The following RAB4A variants were observed in gnomAD, a reference collection of about 807,000 sequenced individuals.
RAB4A encodes RAB4A, member RAS oncogene family.
RAB4A carries 20 observed loss-of-function variants against 34.5 expected under a neutral mutation model. That is an observed-to-expected ratio of 0.58 (90% confidence interval 0.41 to 0.84). RAB4A has a LOEUF of 0.84. Among genes scored for constraint, RAB4A ranks in the 40% least tolerant of loss-of-function variants. RAB4A has a pLI of 0.00. For synonymous variants in RAB4A, 102 were observed against 100.0 expected (o/e 1.02, Z -0.12); for missense variants, 228 against 274.5 (o/e 0.83, Z 1.20).
At chr1:229,302,071 A>C (rs1235283932) in intron 6 of RAB4A, among the ~76,000 whole-genome samples, 1 of 151,322 alleles carries the variant, frequency 6.6e-6, no homozygotes, top group East Asian at 1.9e-4. Flanking sequence ...TATAATGGAA[A>C]TATTTCAAAA....
rs1385458366 is a variant in RAB4A, at chr1:229,288,734, G to A, written c.118G>A (p.Asp40Asn). The A allele has an allele frequency of 2.7e-5, 40 of 1,504,080 alleles. No individual in the cohort carries two copies. Among genetic ancestry groups the A allele is most frequent in the Non-Finnish European group, 3.6e-5 (39 of 1,092,160 alleles). The allele number at this position is 1,504,080 out of a possible 1,614,324, so 93.2% of individuals were successfully genotyped here. ...LHQFIEKKFKDDSNHTIGVEF... is the reference protein window; with the variant it reads ...LHQFIEKKFKNDSNHTIGVEF... ...TTCTTGTTTTTCTTTTTTAGTCAAA[G>A]ATGACTCAAATCATACAATAGGAGT... The change falls in exon 3 of 8, where the codon GAT (aspartate) becomes AAT (asparagine). Residue 40 changes from aspartate to asparagine, a missense_variant. By Grantham distance (23) the Asp-to-Asn change is conservative. Coordinates refer to ENST00000366690, the MANE Select transcript of RAB4A (RefSeq NM_004578.4).
Position 229,289,741 on chromosome 1 carries a change from G to A in RAB4A, c.227+898G>A, listed in dbSNP as rs7543594. 6.6e-3 allele frequency among the ~76,000 whole-genome samples: 1,006 copies of A among 152,260 alleles called. 14 individuals are homozygous for A. Among genetic ancestry groups the A allele is most frequent in the African/African-American group, 0.023 (963 of 41,552 alleles). ...TGAGGCAGGAAAATCGCTTGAACCC[G>A]GGAGGTGGAGGTTGCAGTGAGCTGA... On this transcript the variant is annotated intron_variant, in intron 3 of 7. Transcript: ENST00000366690.
intron 3 of RAB4A, among the ~76,000 whole-genome samples, chr1:229,290,168 T>C (rs149242465): frequency 2.2e-3 from 331 of 152,268 alleles, no homozygotes; most frequent in African/African-American, 7.5e-3. Flanking sequence ...TTTGGAAGCA[T>C]CAGGTTCTAC....
intron 1 of RAB4A, among the ~76,000 whole-genome samples, chr1:229,285,630 G>T (rs942522081): frequency 4.6e-5 from 7 of 152,134 alleles, no homozygotes; most frequent in Non-Finnish European, 7.4e-5. Context: ...ATTAGCAGTG[G>T]TGGGTCAGGA....
At chr1:229,290,925 C>G (rs1657053396) in intron 3 of RAB4A, among the ~76,000 whole-genome samples, 1 of 152,092 alleles carries the variant, frequency 6.6e-6, no homozygotes. Flanking sequence ...GAATGAGATT[C>G]CAGATTAATT....
At chr1:229,282,863 T>C (rs551324601) in intron 1 of RAB4A, among the ~76,000 whole-genome samples, 1 of 152,374 alleles carries the variant, frequency 6.6e-6, no homozygotes, top group Non-Finnish European at 1.5e-5. Flanking sequence ...CAAGCATGCT[T>C]GTGTTACTTG....
chr1:229,277,395 G>A (rs529620723), intron 1 of RAB4A, among the ~76,000 whole-genome samples: 27 of 151,050 alleles, frequency 1.8e-4, no homozygotes, highest in Admixed American at 1.4e-3. Flanking sequence ...TATTCTTCCC[G>A]CTCCTCTACA....
chr1:229,300,088 G>A (rs1657341808), intron 6 of RAB4A, among the ~76,000 whole-genome samples: 1 of 152,216 alleles, frequency 6.6e-6, no homozygotes, highest in Admixed American at 6.5e-5. Flanking sequence ...CCCTGGATGA[G>A]CACTAGAGAC....
intron 1 of RAB4A, among the ~76,000 whole-genome samples, chr1:229,281,325 C>G (rs568633278): frequency 1.4e-4 from 21 of 152,186 alleles, no homozygotes; most frequent in African/African-American, 5.1e-4. Flanking sequence ...GGCATATACA[C>G]GTTCAAGATA....
At chr1:229,275,831 G>T (rs1372577284) in intron 1 of RAB4A, among the ~76,000 whole-genome samples, 4 of 150,368 alleles carry the variant, frequency 2.7e-5, no homozygotes, top group Non-Finnish European at 5.9e-5. Context: ...TCACTATGTT[G>T]GTCAGGCTGG....
At chr1:229,277,171 G>A (rs1656673722) in intron 1 of RAB4A, among the ~76,000 whole-genome samples, 2 of 150,634 alleles carry the variant, frequency 1.3e-5, no homozygotes, top group Admixed American at 1.3e-4. Context: ...CTCAGTGTGT[G>A]TGATCCCAAC....
At chr1:229,289,142 A>T (rs1423874002) in intron 3 of RAB4A, 1 of 213,240 alleles carries the variant, frequency 4.7e-6, no homozygotes, top group Admixed American at 5.9e-5. Context: ...TTCTAGATTC[A>T]AATCAAAGCA....
At chr1:229,290,577 C>T (rs1404920308) in intron 3 of RAB4A, among the ~76,000 whole-genome samples, 1 of 152,298 alleles carries the variant, frequency 6.6e-6, no homozygotes, top group East Asian at 1.9e-4. Context: ...CTTTTTCATT[C>T]CTTGCTCTTA....
At chr1:229,272,824 T>C (rs1192844134) in intron 1 of RAB4A, among the ~76,000 whole-genome samples, 2 of 152,206 alleles carry the variant, frequency 1.3e-5, no homozygotes, top group Non-Finnish European at 2.9e-5. Context: ...GAGTGACTCC[T>C]GTGACTGGTA....
chr1:229,276,484 A>G (rs953579690), intron 1 of RAB4A, among the ~76,000 whole-genome samples: 1 of 151,166 alleles, frequency 6.6e-6, no homozygotes, highest in Non-Finnish European at 1.5e-5. Flanking sequence ...CACATCCTTC[A>G]CTCAAACTAC....
At chr1:229,289,112 C>G in intron 3 of RAB4A, 1 of 386,406 alleles carries the variant, frequency 2.6e-6, no homozygotes, top group Non-Finnish European at 4.7e-6. Context: ...GGATGTGGCA[C>G]TGTGTATTGT....
At chr1:229,297,277 TG>T (rs1425641840) in intron 4 of RAB4A, among the ~76,000 whole-genome samples, 1 of 152,246 alleles carries the variant, frequency 6.6e-6, no homozygotes, top group East Asian at 1.9e-4. Context: ...ATATCTCACT[TG>T]CTGTCTCATT....
intron 1 of RAB4A, among the ~76,000 whole-genome samples, chr1:229,278,470 C>G (rs150488686): frequency 2.0e-4 from 31 of 152,344 alleles, no homozygotes; most frequent in African/African-American, 7.0e-4. Context: ...AGCCCATTCT[C>G]TCACTCCTAG....
intron 3 of RAB4A, among the ~76,000 whole-genome samples, chr1:229,290,685 A>C (rs1344160664): frequency 6.6e-6 from 1 of 152,208 alleles, no homozygotes; most frequent in Admixed American, 6.5e-5. Flanking sequence ...ACACACTAAA[A>C]CCACAGTATC....
Sources: gnomAD v4.1 joint callset for allele counts (sites outside exome capture counted in the v4.1 genomes callset) on GRCh38, gnomAD v4.1.1 for gene constraint, MANE v1.5 for transcripts, NCBI Gene and HGNC (gene_info 2026-07-23, HGNC 2026-07-21) for gene names.